The following ZMYND15 variants were observed in gnomAD, a reference collection of about 807,000 sequenced individuals.
ZMYND15 encodes zinc finger MYND-type containing 15.
Under a neutral mutation model 81.7 loss-of-function variants are expected in ZMYND15, and 54 were observed. The observed-to-expected ratio is 0.66, with a 90% CI of 0.53 to 0.83. The LOEUF (loss-of-function observed/expected upper bound fraction) is 0.83, where lower values mean the gene tolerates loss of function less well. Among genes scored for constraint, ZMYND15 ranks in the 40% least tolerant of loss-of-function variants. The pLI is 0.00. For missense variants in ZMYND15, 925 were observed against 973.5 expected (o/e 0.95, Z 0.66); for synonymous variants, 399 against 387.0 (o/e 1.03, Z -0.36).
chr17:4,744,596 T>A lies in ZMYND15; in HGVS notation c.1684-29T>A. On this transcript the variant is annotated intron_variant, in intron 10 of 13. Coordinates refer to ENST00000433935, the MANE Select transcript of ZMYND15 (RefSeq NM_001136046.3). The surrounding 1 kb of genome is among the most constrained non-coding windows in gnomAD (Gnocchi z 4.1). ...CTCCAGTTCCCTGACTTCCAGTGGC[T>A]TTTCCACCCCACTCCTGGGGCCCCT... The A allele has an allele frequency of 6.2e-7, 1 of 1,603,894 alleles. No individual in the cohort carries two copies. The highest frequency in any genetic ancestry group is 8.5e-7 in the Non-Finnish European group (1 of 1,175,252).
In ZMYND15 at chr17:4,744,805, C is replaced by T. The variant is rs780619689; in HGVS notation, c.1837+27C>T. The T allele has an allele frequency of 7.9e-5, 128 of 1,613,982 alleles. No homozygotes were observed. Among genetic ancestry groups the T allele is most frequent in the Non-Finnish European group, 1.0e-4 (122 of 1,180,002 alleles). On this transcript the variant is annotated intron_variant, in intron 11 of 13. Coordinates refer to ENST00000433935, the MANE Select transcript of ZMYND15 (RefSeq NM_001136046.3). This position sits in a 1 kb window ranked among gnomAD's most constrained non-coding sequence, Gnocchi z 4.1. ...TAAAAGCCTGGGTCTCAGGGTTAGGCATGTGGGGAAGGTGGGAGAGAAGCC... is the reference window on the plus strand; with the variant it reads ...TAAAAGCCTGGGTCTCAGGGTTAGGTATGTGGGGAAGGTGGGAGAGAAGCC...
chr17:4,740,477 T>C, intron 1 of ZMYND15, 42 bp from the exon 2 acceptor site: 1 of 1,488,526 alleles, frequency 6.7e-7, no homozygotes, highest in Non-Finnish European at 9.0e-7. Context: ...AACTCCATCA[T>C]TGCTCTCCTG....
At position 4,743,310 on chromosome 17, in the gene ZMYND15, C is replaced by T; in HGVS notation, c.1152C>T (p.Thr384=). 1 of 1,613,636 alleles carries T rather than the reference C, an allele frequency of 6.2e-7. No homozygotes were observed. Among genetic ancestry groups the T allele is most frequent in the South Asian group, 1.1e-5 (1 of 91,058 alleles). Residue 384 remains threonine (T), a synonymous_variant, in exon 6 of 14, where the codon ACC becomes ACT. Coordinates refer to ENST00000433935, the MANE Select transcript of ZMYND15 (RefSeq NM_001136046.3). This position sits in a 1 kb window ranked among gnomAD's most constrained non-coding sequence, Gnocchi z 4.3. ...TLPFTYTAEV[T]SETFNKEAFL... Reference sequence around the variant, plus strand: ...CCCCTTCTCCTTCTCCAGAGGTGACCAGTGAAACCTTCAACAAAGAGGCCT... The same window carrying T: ...CCCCTTCTCCTTCTCCAGAGGTGACTAGTGAAACCTTCAACAAAGAGGCCT...
In ZMYND15 at chr17:4,745,814, C is replaced by A; in HGVS notation, c.2058-5C>A. ...GGTCCCTGACTGCGCCCCGCGCCCC[C>A]GCAGGTACTGCAATGCCTTCATCTT... is the stretch of plus-strand genomic sequence containing the variant. On this transcript the variant is annotated splice_polypyrimidine_tract_variant and splice_region_variant and intron_variant, in intron 13 of 13. Coordinates refer to ENST00000433935, the MANE Select transcript of ZMYND15 (RefSeq NM_001136046.3). The surrounding 1 kb of genome is among the most constrained non-coding windows in gnomAD (Gnocchi z 5.2). 2 of 1,593,716 alleles carry A rather than the reference C, an allele frequency of 1.3e-6. No individual in the cohort carries two copies. The highest frequency in any genetic ancestry group is 1.7e-6 in the Non-Finnish European group (2 of 1,172,532).
Position 4,745,751 on chromosome 17 carries a change from A to ACCGCG in ZMYND15, c.2058-66_2058-65insGCGCC. 1.7e-6 allele frequency: 2 copies of ACCGCG among 1,195,370 alleles called. No individual in the cohort carries two copies. Among genetic ancestry groups the ACCGCG allele is most frequent in the African/African-American group, 3.4e-5 (2 of 58,442 alleles). The allele number at this position is 1,195,370 out of a possible 1,614,324, so 74.0% of individuals were successfully genotyped here. A position where few individuals can be genotyped will look rare whatever the true frequency, so the allele number is the denominator to read the frequency against. Reference sequence around the variant, plus strand: ...CCTGACCGCGCCCCTGGGAGCCCCGACCCCTGGGAGCGCCGACCCCTGGGA... The same window carrying ACCGCG: ...CCTGACCGCGCCCCTGGGAGCCCCGACCGCGCCCCTGGGAGCGCCGACCCCTGGGA... On this transcript the variant is annotated intron_variant, in intron 13 of 13. Coordinates refer to ENST00000433935, the MANE Select transcript of ZMYND15 (RefSeq NM_001136046.3). This position sits in a 1 kb window ranked among gnomAD's most constrained non-coding sequence, Gnocchi z 5.2.
rs12451720 is a variant in ZMYND15, at chr17:4,743,185, C to T, written c.1145-118C>T. 0.67 allele frequency: 834,252 copies of T among 1,244,054 alleles called. 281,158 individuals are homozygous for T. Among genetic ancestry groups the T allele is most frequent in the South Asian group, 0.8 (54,518 of 68,140 alleles). The allele number at this position is 1,244,054 out of a possible 1,614,324, so 77.1% of individuals were successfully genotyped here. A position where few individuals can be genotyped will look rare whatever the true frequency, so the allele number is the denominator to read the frequency against. ...GTCCAAGAGGTCGAGGCTGTAGTGT[C>T]CCGTGATCACGCCACTGCACTCTAG... On this transcript the variant is annotated intron_variant, in intron 5 of 13. Coordinates refer to ENST00000433935, the MANE Select transcript of ZMYND15 (RefSeq NM_001136046.3). This position sits in a 1 kb window ranked among gnomAD's most constrained non-coding sequence, Gnocchi z 4.3.
At position 4,746,010 on chromosome 17, in the gene ZMYND15, C is replaced by G; in HGVS notation, c.*20C>G. 1 of 1,410,680 alleles carries G rather than the reference C, an allele frequency of 7.1e-7. No individual in the cohort carries two copies. The highest frequency in any genetic ancestry group is 9.2e-7 in the Non-Finnish European group (1 of 1,083,004). 87.4% of individuals were successfully genotyped at this position (1,410,680 alleles called of 1,614,324 possible). ...AAATGAATGCTGATACCCTAGTAGTCCCCAGCTCCCAAACACTGAAAGGAA... is the reference window on the plus strand; with the variant it reads ...AAATGAATGCTGATACCCTAGTAGTGCCCAGCTCCCAAACACTGAAAGGAA... On this transcript the variant is annotated 3_prime_UTR_variant, in exon 14 of 14. Coordinates refer to ENST00000433935, the MANE Select transcript of ZMYND15 (RefSeq NM_001136046.3).
rs1352489347 is a variant in ZMYND15 at position 4,744,021 on chromosome 17, G to T, written c.1409G>T (p.Gly470Val). ...TGGCAGGATTACTACACATGGCGGG[G>T]CCTCAGCTTGGACTCCCCCATAGCC... ...GSWQDYYTWR[G>V]LSLDSPIAVL... The change falls in exon 8 of 14, where the codon GGC becomes GTC. Residue 470 changes from glycine (G) to valine (V), a missense_variant. By Grantham distance (109) the Gly-to-Val change is moderately radical. Transcript: ENST00000433935. The surrounding 1 kb of genome is among the most constrained non-coding windows in gnomAD (Gnocchi z 4.1). The T allele has an allele frequency of 3.2e-6, 5 of 1,553,184 alleles. No individual in the cohort carries two copies. Among genetic ancestry groups the T allele is most frequent in the Non-Finnish European group, 2.6e-6 (3 of 1,147,546 alleles).
chr17:4,742,335 C>G lies in ZMYND15; in HGVS notation c.988C>G (p.Gln330Glu), dbSNP rs370691262. 8.1e-6 allele frequency: 13 copies of G among 1,613,760 alleles called. No individual in the cohort carries two copies. The highest frequency in any genetic ancestry group is 1.1e-5 in the Non-Finnish European group (13 of 1,179,842). The change falls in exon 5 of 14, where the codon CAG (glutamine) becomes GAG (glutamate). Residue 330 changes from glutamine to glutamate, a missense_variant. Physicochemically the swap from Gln to Glu is conservative, Grantham distance 29. Transcript: ENST00000433935. Reference protein sequence around the residue: ...SFEAKLTPCPQCSAVLYCGEA... With the variant: ...SFEAKLTPCPECSAVLYCGEA... ...CACCACCCGCTGTGTCCCCAGCCCC[C>G]AGTGTAGTGCTGTCTTGTATTGTGG...
Position 4,740,752 on chromosome 17 carries a change from C to T in ZMYND15, c.204C>T (p.Gly68=). ...ATGTCCTGCCCAACCATAGTGTGGG[C>T]ATCAGCCTGGGGCAAGGGGCAGAAC... ...VLHVLPNHSV[G]ISLGQGAEPG... The change falls in exon 2 of 14, where the codon GGC becomes GGT. Residue 68 remains glycine, a synonymous_variant. Coordinates refer to ENST00000433935, the MANE Select transcript of ZMYND15 (RefSeq NM_001136046.3). The T allele has an allele frequency of 6.2e-7, 1 of 1,603,210 alleles. No individual in the cohort carries two copies. Among genetic ancestry groups the T allele is most frequent in the East Asian group, 2.2e-5 (1 of 44,564 alleles).
chr17:4,745,243 A>G lies in ZMYND15; in HGVS notation c.1925A>G (p.Glu642Gly), dbSNP rs991657314. Residue 642 changes from glutamate to glycine, a missense_variant, in exon 13 of 14, where the codon GAG (glutamate) becomes GGG (glycine). Glu to Gly is a moderately conservative substitution (Grantham distance 98, BLOSUM62 -2). Coordinates refer to ENST00000433935, the MANE Select transcript of ZMYND15 (RefSeq NM_001136046.3). This position sits in a 1 kb window ranked among gnomAD's most constrained non-coding sequence, Gnocchi z 5.2. The part of the protein sequence containing the change: ...QSLRVPAFFT[E>G]SSEYSCVMDG... ...CTCCGAGTGCCAGCCTTCTTCACCGAGAGCAGCGAGTACAGCTGTGTGATG... is the reference window on the plus strand; with the variant it reads ...CTCCGAGTGCCAGCCTTCTTCACCGGGAGCAGCGAGTACAGCTGTGTGATG... 7 of 1,613,814 alleles carry G rather than the reference A, an allele frequency of 4.3e-6. No homozygotes were observed. Among genetic ancestry groups the G allele is most frequent in the Non-Finnish European group, 5.9e-6 (7 of 1,179,968 alleles).
Position 4,741,025 on chromosome 17 carries a change from C to T in ZMYND15, c.477C>T (p.Asn159=). The change falls in exon 2 of 14, where the codon AAC becomes AAT. Residue 159 remains asparagine, a synonymous_variant. Coordinates refer to ENST00000433935, the MANE Select transcript of ZMYND15 (RefSeq NM_001136046.3). ...GCAGGGAGTCCCCCCAGGAAACAAA[C>T]CCTCCAGGAGAGTCAGAGGAGGCTG... The part of the protein sequence containing the change: ...PTSRESPQET[N]PPGESEEAAR... 1 of 1,553,702 alleles carries T rather than the reference C, an allele frequency of 6.4e-7. No individual in the cohort carries two copies. The highest frequency in any genetic ancestry group is 8.7e-7 in the Non-Finnish European group (1 of 1,148,004).
Position 4,743,571 on chromosome 17 carries a change from A to G in ZMYND15, c.1297+116A>G. ...CACACTGACCCCTACCAACAGCACC[A>G]GGGCCATTTCAGGCCTTTCCCAGCC... On this transcript the variant is annotated intron_variant, in intron 6 of 13. Transcript: ENST00000433935. This position sits in a 1 kb window ranked among gnomAD's most constrained non-coding sequence, Gnocchi z 4.3. 1 of 1,476,670 alleles carries G rather than the reference A, an allele frequency of 6.8e-7. No individual in the cohort carries two copies. The highest frequency in any genetic ancestry group is 9.1e-7 in the Non-Finnish European group (1 of 1,096,122). The allele number at this position is 1,476,670 out of a possible 1,614,324, so 91.5% of individuals were successfully genotyped here. A position where few individuals can be genotyped will look rare whatever the true frequency, so the allele number is the denominator to read the frequency against.
chr17:4,744,846 C>T lies in ZMYND15; in HGVS notation c.1838-24C>T, dbSNP rs1916591660. On this transcript the variant is annotated intron_variant, in intron 11 of 13. Transcript: ENST00000433935. The surrounding 1 kb of genome is among the most constrained non-coding windows in gnomAD (Gnocchi z 4.1). The stretch of plus-strand genomic sequence containing the variant: ...GAGAGAAGCCCACCGTGGGAGCCAG[C>T]TTCTCCCTCCTCTCTGTCTGCAGGA... The T allele has an allele frequency of 1.2e-6, 2 of 1,613,996 alleles. No homozygotes were observed. Among genetic ancestry groups the T allele is most frequent in the Non-Finnish European group, 8.5e-7 (1 of 1,180,004 alleles).
chr17:4,745,899 C>A lies in ZMYND15; in HGVS notation c.2138C>A (p.Pro713His), dbSNP rs368175133. Reference protein sequence around the residue: ...SGARPAPGPPPPSPTPSAPPA... With the variant: ...SGARPAPGPPHPSPTPSAPPA... ...GCCCGCCCGGCGCCCGGGCCCCCAC[C>A]CCCATCCCCAACTCCCTCTGCTCCT... The change falls in exon 14 of 14, where the codon CCC becomes CAC. Residue 713 changes from proline to histidine, a missense_variant. Pro to His is a moderately conservative substitution (Grantham distance 77). Transcript: ENST00000433935. This position sits in a 1 kb window ranked among gnomAD's most constrained non-coding sequence, Gnocchi z 5.2. The A allele has an allele frequency of 6.5e-7, 1 of 1,546,472 alleles. No homozygotes were observed. Among genetic ancestry groups the A allele is most frequent in the East Asian group, 2.5e-5 (1 of 40,010 alleles).
Position 4,743,287 on chromosome 17 carries a change from C to G in ZMYND15, c.1145-16C>G, listed in dbSNP as rs761472861. The stretch of plus-strand genomic sequence containing the variant: ...TCTAGCCCAGCACCTCAACTCCTCC[C>G]CTTCTCCTTCTCCAGAGGTGACCAG... On this transcript the variant is annotated splice_polypyrimidine_tract_variant and intron_variant, in intron 5 of 13. Transcript: ENST00000433935. The surrounding 1 kb of genome is among the most constrained non-coding windows in gnomAD (Gnocchi z 4.3). The G allele has an allele frequency of 6.5e-7, 1 of 1,530,328 alleles. No individual in the cohort carries two copies. Among genetic ancestry groups the G allele is most frequent in the Non-Finnish European group, 8.9e-7 (1 of 1,120,084 alleles). The allele number at this position is 1,530,328 out of a possible 1,614,324, so 94.8% of individuals were successfully genotyped here.
chr17:4,742,980 C>A (rs1399922980), intron 5 of ZMYND15, among the ~76,000 whole-genome samples: 1 of 151,882 alleles, frequency 6.6e-6, no homozygotes, highest in Admixed American at 6.6e-5. Flanking sequence ...GGTTCTAGGC[C>A]GGGCAATGGT....
At position 4,745,482 on chromosome 17, in the gene ZMYND15, C is replaced by T. The variant is rs961368805; in HGVS notation, c.2057+107C>T. The T allele has an allele frequency of 1.5e-6, 2 of 1,362,440 alleles. No individual in the cohort carries two copies. Among genetic ancestry groups the T allele is most frequent in the Non-Finnish European group, 2.0e-6 (2 of 1,006,158 alleles). 84.4% of individuals were successfully genotyped at this position (1,362,440 alleles called of 1,614,324 possible). ...ACCCTAGTCCCTGCTGTCCTGGGGC[C>T]CTCCTGCCCCCAGCCCAGCAACCTG... is the stretch of plus-strand genomic sequence containing the variant. On this transcript the variant is annotated intron_variant, in intron 13 of 13. Transcript: ENST00000433935. This position sits in a 1 kb window ranked among gnomAD's most constrained non-coding sequence, Gnocchi z 5.2.
In ZMYND15 at chr17:4,741,070, C is replaced by T; in HGVS notation, c.522C>T (p.Gly174=). The T allele has an allele frequency of 6.5e-7, 1 of 1,545,818 alleles. No individual in the cohort carries two copies. Among genetic ancestry groups the T allele is most frequent in the South Asian group, 1.2e-5 (1 of 83,358 alleles). Residue 174 remains glycine, a synonymous_variant, in exon 2 of 14, where the codon GGC becomes GGT. Transcript: ENST00000433935. ...SEEAAREAGG[G]KDGCREDRVE... ...AGGCTGCCCGGGAGGCAGGAGGTGG[C>T]AAGGATGGCTGCCGAGAGGACAGGG... is the stretch of plus-strand genomic sequence containing the variant.
Sources: gnomAD v4.1 joint callset for allele counts (sites outside exome capture counted in the v4.1 genomes callset) on GRCh38, gnomAD v4.1.1 for gene constraint, Gnocchi (gnomAD v3.1) non-coding constraint, MANE v1.5 for transcripts, NCBI Gene and HGNC (gene_info 2026-07-23, HGNC 2026-07-21) for gene names.